BAIAP2: variants seen among roughly 807,000 people sequenced by gnomAD.
The protein encoded by BAIAP2 is BAR/IMD domain-containing adapter protein 2.
A neutral mutation model predicts 63.0 loss-of-function variants in BAIAP2; 18 were observed. That is an observed-to-expected ratio of 0.29 (90% CI 0.20 to 0.42). The LOEUF (loss-of-function observed/expected upper bound fraction) is 0.42, where lower values mean the gene tolerates loss of function less well. Among genes scored for constraint, BAIAP2 ranks in the 10% least tolerant of loss-of-function variants. BAIAP2 has a pLI of 1.00. For missense variants in BAIAP2, 610 were observed against 734.3 expected (o/e 0.83, Z 1.96); for synonymous variants, 386 against 307.6 (o/e 1.25, Z -2.67).
intron 6 of BAIAP2, among the ~76,000 whole-genome samples, chr17:81,092,557 A>G (rs1244753684): frequency 6.6e-6 from 1 of 151,878 alleles, no homozygotes; most frequent in African/African-American, 2.4e-5. Flanking sequence ...AACTGCTTGT[A>G]ATTGAGATGG....
chr17:81,071,085 C>T (rs572583373), intron 3 of BAIAP2, among the ~76,000 whole-genome samples: 2 of 142,168 alleles, frequency 1.4e-5, no homozygotes, highest in South Asian at 4.6e-4. Flanking sequence ...ATCACCATGG[C>T]AACACAGACA....
intron 3 of BAIAP2, among the ~76,000 whole-genome samples, chr17:81,067,316 C>G (rs2051667172): frequency 6.6e-6 from 1 of 152,250 alleles, no homozygotes; most frequent in Non-Finnish European, 1.5e-5. Context: ...CCCCCACCGC[C>G]TGTTCGCAGA....
intron 6 of BAIAP2, among the ~76,000 whole-genome samples, chr17:81,093,080 TG>T (rs2145582810): frequency 3.3e-5 from 1 of 29,946 alleles, no homozygotes; most frequent in East Asian, 6.0e-4. Context: ...ACCCACTCCC[TG>T]GGCTGGGCTG....
rs747489962 is a variant in BAIAP2, at chr17:81,110,105, C to T, written c.1535+1596C>T. On this transcript the variant is annotated intron_variant, in intron 13 of 13. Coordinates refer to ENST00000428708, the MANE Select transcript of BAIAP2 (RefSeq NM_001144888.2). ...GGGGAATTGAGTGCAGGGCACAGCC[C>T]GGCTCAGCCTGCCCGCTGGTGGGAG... 71 of 985,234 alleles carry T rather than the reference C, an allele frequency of 7.2e-5. No individual in the cohort carries two copies. In the East Asian group the frequency reaches 8.0e-4, roughly 11 times the overall value. The allele number at this position is 985,234 out of a possible 1,614,324, so 61.0% of individuals were successfully genotyped here.
chr17:81,098,118 A>T (rs1304221528), intron 6 of BAIAP2: 2 of 1,407,924 alleles, frequency 1.4e-6, no homozygotes, highest in Non-Finnish European at 1.9e-6. Flanking sequence ...GTGGGGAGGC[A>T]TGCTCCTCCC....
chr17:81,106,028 T>C (rs2059142411), intron 10 of BAIAP2, 50 bp from the exon 11 acceptor site: 2 of 1,511,104 alleles, frequency 1.3e-6, no homozygotes, highest in Non-Finnish European at 1.8e-6. Context: ...CGGTGGGGGA[T>C]GGGGAGCCTC....
intron 1 of BAIAP2, among the ~76,000 whole-genome samples, chr17:81,040,818 C>T (rs1397961452): frequency 2.0e-5 from 3 of 152,158 alleles, no homozygotes; most frequent in Non-Finnish European, 4.4e-5. Flanking sequence ...GTGGGGCTGG[C>T]CTAGGCAGGC....
At chr17:81,084,776 G>T in intron 3 of BAIAP2, 56 bp from the exon 4 acceptor site, 1 of 1,564,308 alleles carries the variant, frequency 6.4e-7, no homozygotes, top group Non-Finnish European at 8.8e-7. Context: ...TGGGATGACG[G>T]TGGTGACTGC....
At chr17:81,094,490 G>A (rs1356270594) in intron 6 of BAIAP2, among the ~76,000 whole-genome samples, 2 of 152,180 alleles carry the variant, frequency 1.3e-5, no homozygotes, top group Non-Finnish European at 2.9e-5. Context: ...GGATCTTCCT[G>A]TAATGCCTTC....
intron 3 of BAIAP2, among the ~76,000 whole-genome samples, chr17:81,069,208 G>A (rs1469133805): frequency 6.6e-6 from 1 of 152,174 alleles, no homozygotes; most frequent in African/African-American, 2.4e-5. Flanking sequence ...TTATACATTG[G>A]AAGCATTTTT....
chr17:81,050,496 T>C (rs908621947), intron 1 of BAIAP2, among the ~76,000 whole-genome samples: 18 of 152,214 alleles, frequency 1.2e-4, no homozygotes, highest in African/African-American at 4.3e-4. Flanking sequence ...GGGTGGCTCC[T>C]GGCCTGTTTC....
intron 1 of BAIAP2, among the ~76,000 whole-genome samples, chr17:81,045,129 C>T (rs1598497240): frequency 6.6e-6 from 1 of 152,238 alleles, no homozygotes; most frequent in Admixed American, 6.5e-5. Context: ...CAAGGCCCCA[C>T]GTGTGGCTTT....
intron 10 of BAIAP2, 152 bp from the exon 11 acceptor site, chr17:81,105,926 T>G (rs933446306): frequency 1.5e-6 from 1 of 650,828 alleles, no homozygotes. Flanking sequence ...CGGGCTGCGG[T>G]CTTTGTCTCC....
intron 1 of BAIAP2, among the ~76,000 whole-genome samples, chr17:81,052,631 G>A (rs2048848861): frequency 1.3e-5 from 2 of 152,354 alleles, no homozygotes; most frequent in South Asian, 4.1e-4. Flanking sequence ...GTTTTCTGGA[G>A]GCAGGTCCCG....
intron 1 of BAIAP2, among the ~76,000 whole-genome samples, chr17:81,044,694 C>A (rs892335204): frequency 1.1e-4 from 17 of 152,230 alleles, no homozygotes; most frequent in Admixed American, 2.6e-4. Context: ...AGGTGACCAC[C>A]TGTCTGTCTT....
chr17:81,065,526 C>T (rs1027321210), intron 3 of BAIAP2, among the ~76,000 whole-genome samples: 12 of 152,134 alleles, frequency 7.9e-5, no homozygotes, highest in African/African-American at 1.9e-4. Flanking sequence ...GTTCTTTGTG[C>T]GGGTGGAGGA....
chr17:81,114,840 G>A (rs143166331), intron 13 of BAIAP2, among the ~76,000 whole-genome samples: 68 of 152,294 alleles, frequency 4.5e-4, no homozygotes, highest in African/African-American at 1.4e-3. Flanking sequence ...GGTTGTTCCC[G>A]GCTGCCCGGG....
intron 6 of BAIAP2, chr17:81,087,928 C>T (rs1194452255): frequency 1.3e-5 from 2 of 151,912 alleles, no homozygotes; most frequent in Non-Finnish European, 2.9e-5. Context: ...ATGATGGGCC[C>T]ATCATGGTGG....
chr17:81,049,665 G>C (rs2048361102), intron 1 of BAIAP2, among the ~76,000 whole-genome samples: 1 of 152,228 alleles, frequency 6.6e-6, no homozygotes, highest in Admixed American at 6.5e-5. Context: ...GTGTGGCTGA[G>C]AACAGAGTTC....
Sources: gnomAD v4.1 joint callset for allele counts (sites outside exome capture counted in the v4.1 genomes callset) on GRCh38, gnomAD v4.1.1 for gene constraint, MANE v1.5 for transcripts, NCBI Gene and HGNC (gene_info 2026-07-23, HGNC 2026-07-21) for gene names.